The following CLCN1 variants were observed in gnomAD, a reference collection of about 807,000 sequenced individuals.
The protein encoded by CLCN1 is chloride voltage-gated channel 1, also known as chloride channel protein 1.
Under a neutral mutation model 114.5 loss-of-function variants are expected in CLCN1, and 100 were observed. The ratio of observed to expected loss-of-function variants is 0.87; its 90% confidence interval spans 0.74 to 1.03. The LOEUF is 1.03. Among genes scored for constraint, CLCN1 ranks in the 50% least tolerant of loss-of-function variants. The probability of loss-of-function intolerance (pLI) is 0.00; values close to 1 mark genes in which losing one functional copy is unlikely to be tolerated. For synonymous variants in CLCN1, 485 were observed against 487.1 expected (o/e 1.00, Z 0.06); for missense variants, 1,188 against 1,250.0 (o/e 0.95, Z 0.75).
intron 7 of CLCN1, among the ~76,000 whole-genome samples, chr7:143,327,625 A>G (rs1174558378): frequency 6.6e-6 from 1 of 152,152 alleles, no homozygotes; most frequent in African/African-American, 2.4e-5. Context: ...AGAATGGTAG[A>G]AAGTAAAATT....
Position 143,320,778 on chromosome 7 carries a change from G to C in CLCN1, c.416G>C (p.Ser139Thr). ...GTCAGCTGGAGCATGGACTACGTCA[G>C]TGCCAAAAGCCTTCAGGGTAGGTTT... The part of the protein sequence containing the change: ...ALVSWSMDYV[S>T]AKSLQAYKWS... Residue 139 changes from serine to threonine, a missense_variant, in exon 3 of 23, where the codon AGT becomes ACT. Transcript: ENST00000343257. 4 of 1,614,036 alleles carry C rather than the reference G, an allele frequency of 2.5e-6. No individual in the cohort carries two copies. The highest frequency in any genetic ancestry group is 3.4e-6 in the Non-Finnish European group (4 of 1,179,928).
At chr7:143,344,606 C>G (rs1217555534) in intron 16 of CLCN1, among the ~76,000 whole-genome samples, 1 of 152,114 alleles carries the variant, frequency 6.6e-6, no homozygotes, top group East Asian at 1.9e-4. Context: ...TGACTGAGAC[C>G]TAACAGTAAA....
Position 143,329,054 on chromosome 7 carries a change from G to A in CLCN1, c.854-1718G>A, listed in dbSNP as rs113536190. Among the ~76,000 whole-genome samples the A allele has an allele frequency of 4.0e-3, 590 of 149,358 alleles. 5 individuals are homozygous for A. The highest frequency in any genetic ancestry group is 0.014 in the African/African-American group (550 of 40,512). On this transcript the variant is annotated intron_variant, in intron 7 of 22. Coordinates refer to ENST00000343257, the MANE Select transcript of CLCN1 (RefSeq NM_000083.3). ...GCGATCTCGGCTCACTGCAACCTGC[G>A]TCTCCCGGGTTCAAGCAATTCTCCT...
At chr7:143,325,377 G>T (rs777743660) in intron 7 of CLCN1, among the ~76,000 whole-genome samples, 2 of 152,224 alleles carry the variant, frequency 1.3e-5, no homozygotes, top group Non-Finnish European at 2.9e-5. Flanking sequence ...AAATGACTTG[G>T]TGCAGGAATG....
chr7:143,340,779 T>C (rs1803055813), intron 14 of CLCN1, among the ~76,000 whole-genome samples: 1 of 152,182 alleles, frequency 6.6e-6, no homozygotes, highest in Non-Finnish European at 1.5e-5. Context: ...GTCATCCACC[T>C]GTCTCGGCCT....
At chr7:143,316,693 G>A (rs556467151) in intron 1 of CLCN1, among the ~76,000 whole-genome samples, 168 of 152,298 alleles carry the variant, frequency 1.1e-3, no homozygotes, top group Non-Finnish European at 1.9e-3. Flanking sequence ...CATAACCTAC[G>A]TGGAGTGGAT....
Position 143,346,619 on chromosome 7 carries a change from G to C in CLCN1, c.2325G>C (p.Leu775Phe), listed in dbSNP as rs1803256348. The C allele has an allele frequency of 6.2e-7, 1 of 1,613,794 alleles. No homozygotes were observed. The highest frequency in any genetic ancestry group is 1.7e-5 in the Admixed American group (1 of 59,998). Residue 775 changes from leucine (L) to phenylalanine (F), a missense_variant, in exon 19 of 23, where the codon TTG (leucine) becomes TTC (phenylalanine). Leu to Phe is a conservative substitution (Grantham distance 22, BLOSUM62 0). Coordinates refer to ENST00000343257, the MANE Select transcript of CLCN1 (RefSeq NM_000083.3). ...TCTTCCAGTCCCTGCTTCACTGCTTGCTGGGCAGAGCTCGCCCCACAAAGA... is the reference window on the plus strand; with the variant it reads ...TCTTCCAGTCCCTGCTTCACTGCTTCCTGGGCAGAGCTCGCCCCACAAAGA... ...PSIFQSLLHC[L>F]LGRARPTKKK... is the part of the protein sequence containing the mutation.
chr7:143,323,181 C>T, intron 5 of CLCN1, 128 bp from the exon 6 acceptor site: 1 of 703,574 alleles, frequency 1.4e-6, no homozygotes, highest in South Asian at 1.5e-5. Flanking sequence ...AGGGCAGGAC[C>T]TCTGTGTAAC....
chr7:143,347,480 G>A (rs766284990), intron 20 of CLCN1, among the ~76,000 whole-genome samples: 2 of 151,970 alleles, frequency 1.3e-5, no homozygotes, highest in African/African-American at 4.8e-5. Context: ...AATAAGCCGG[G>A]CATGGTGGCA....
intron 8 of CLCN1, 146 bp downstream of exon 8, chr7:143,331,043 A>G (rs1236999182): frequency 1.6e-6 from 2 of 1,276,540 alleles, no homozygotes; most frequent in Non-Finnish European, 2.3e-6. Context: ...GGTGTATGAC[A>G]AAGATATAGG....
rs1803241633 is a variant in CLCN1 at position 143,346,237 on chromosome 7, C to T, written c.2270C>T (p.Ala757Val). 3 of 1,610,700 alleles carry T rather than the reference C, an allele frequency of 1.9e-6. No homozygotes were observed. In the Admixed American group the frequency reaches 5.0e-5, roughly 27 times the overall value. Residue 757 changes from alanine to valine, a missense_variant, in exon 18 of 23, where the codon GCA (alanine) becomes GTA (valine). Transcript: ENST00000343257. ...PLPGHKQQPE[A>V]PEPAGQRPSI... ...CCTGGCCACAAACAGCAGCCGGAAG[C>T]ACCAGAGCCTGCAGGTGACGCTCTT... is the stretch of plus-strand genomic sequence containing the variant.
intron 7 of CLCN1, among the ~76,000 whole-genome samples, chr7:143,326,199 G>A (rs1802571184): frequency 6.8e-6 from 1 of 146,688 alleles, no homozygotes; most frequent in Admixed American, 6.7e-5. Flanking sequence ...TGTATTTTTA[G>A]TAGAGACAGG....
rs867539633 is a variant in CLCN1 at position 143,351,759 on chromosome 7, G to T, written c.2761G>T (p.Asp921Tyr). Residue 921 changes from aspartate to tyrosine, a missense_variant, in exon 23 of 23, where the codon GAT becomes TAT. Coordinates refer to ENST00000343257, the MANE Select transcript of CLCN1 (RefSeq NM_000083.3). ...CAGGCCTGGGGCCACTGGAACAGGG[G>T]ATGTGATTGCTGCCTCCCCAGAGAC... ...EDRPGATGTG[D>Y]VIAASPETPV... The T allele has an allele frequency of 1.2e-6, 2 of 1,614,188 alleles. No individual in the cohort carries two copies.
intron 16 of CLCN1, among the ~76,000 whole-genome samples, chr7:143,343,161 T>C (rs1803135135): frequency 6.6e-6 from 1 of 152,234 alleles, no homozygotes; most frequent in South Asian, 2.1e-4. Flanking sequence ...TGTGGATTAA[T>C]TAATATTGAA....
In CLCN1 at chr7:143,342,138, C is replaced by T; in HGVS notation, c.1792C>T (p.Leu598Phe). 6.2e-7 allele frequency: 1 copy of T among 1,613,956 alleles called. No homozygotes were observed. The highest frequency in any genetic ancestry group is 8.5e-7 in the Non-Finnish European group (1 of 1,179,832). Residue 598 changes from leucine to phenylalanine, a missense_variant, in exon 15 of 23, where the codon CTC becomes TTC. Leu to Phe is a conservative substitution (Grantham distance 22). Transcript: ENST00000343257. Reference sequence around the variant, plus strand: ...CTTGCCTGACCTTGGCTGGAACCAGCTCAGGTCAGGGGCACTAGACGGAAT... The same window carrying T: ...CTTGCCTGACCTTGGCTGGAACCAGTTCAGGTCAGGGGCACTAGACGGAAT... Reference protein sequence around the residue: ...PYLPDLGWNQLSKYTIFVEDI... With the variant: ...PYLPDLGWNQFSKYTIFVEDI...
chr7:143,330,497 G>A (rs542124269), intron 7 of CLCN1, among the ~76,000 whole-genome samples: 43 of 152,198 alleles, frequency 2.8e-4, no homozygotes, highest in Non-Finnish European at 5.0e-4. Flanking sequence ...CAGAGGGCAC[G>A]GACACTTGGT....
intron 17 of CLCN1, 130 bp downstream of exon 17, chr7:143,345,892 A>T: frequency 7.5e-7 from 1 of 1,332,012 alleles, no homozygotes. Flanking sequence ...GGGAGGGGAG[A>T]GTCTGGTAAC....
rs1586520798 is a variant in CLCN1 at position 143,350,105 on chromosome 7, G to T, written c.2404-267G>T. ...ATAACAAATGTTTGGGACGCCAGGG[G>T]ATAGGAGAGTTGGAGCCTAGAAGAG... On this transcript the variant is annotated intron_variant, in intron 20 of 22. Coordinates refer to ENST00000343257, the MANE Select transcript of CLCN1 (RefSeq NM_000083.3). This position sits in a 1 kb window ranked among gnomAD's most constrained non-coding sequence, Gnocchi z 5.1. 6.6e-6 allele frequency among the ~76,000 whole-genome samples: 1 copy of T among 152,146 alleles called. No individual in the cohort carries two copies. The highest frequency in any genetic ancestry group is 6.5e-5 in the Admixed American group (1 of 15,276).
intron 7 of CLCN1, among the ~76,000 whole-genome samples, chr7:143,325,423 A>G (rs1170180749): frequency 1.3e-5 from 2 of 152,380 alleles, no homozygotes; most frequent in East Asian, 1.9e-4. Flanking sequence ...ATGCAAATGC[A>G]TGATCTAACT....
Sources: allele counts gnomAD v4.1 joint callset (sites outside exome capture counted in the v4.1 genomes callset), GRCh38; gene constraint gnomAD v4.1.1; non-coding constraint Gnocchi (gnomAD v3.1); transcripts MANE v1.5; gene names NCBI Gene and HGNC (gene_info 2026-07-23, HGNC 2026-07-21).